The following SAMTOR variants were observed in gnomAD, a reference collection of about 807,000 sequenced individuals.
SAMTOR encodes the protein S-adenosylmethionine sensor upstream of mTORC1.
chr7:112,877,166 A>C, the SAMTOR span, among the ~76,000 whole-genome samples: 1 of 152,208 alleles, frequency 6.6e-6, no homozygotes, highest in Non-Finnish European at 1.5e-5. Context: ...GCTGAACTTA[A>C]CAAGTATTTA....
At chr7:112,907,508 C>G in the SAMTOR span, among the ~76,000 whole-genome samples, 18 of 151,632 alleles carry the variant, frequency 1.2e-4, no homozygotes, top group Non-Finnish European at 2.7e-4. Context: ...TCTAACTACA[C>G]AAAAGCAAAA....
the SAMTOR span, among the ~76,000 whole-genome samples, chr7:112,850,069 G>A: frequency 1.3e-5 from 2 of 152,128 alleles, no homozygotes; most frequent in Non-Finnish European, 2.9e-5. Flanking sequence ...AGCCGGGTGT[G>A]GTGGTGCATG....
the SAMTOR span, among the ~76,000 whole-genome samples, chr7:112,887,645 T>A: frequency 6.6e-6 from 1 of 152,250 alleles, no homozygotes; most frequent in African/African-American, 2.4e-5. Context: ...TTCCATATTA[T>A]CTATATCTCC....
chr7:112,835,150 AG>A, the SAMTOR span, among the ~76,000 whole-genome samples: 1 of 152,108 alleles, frequency 6.6e-6, no homozygotes, highest in Non-Finnish European at 1.5e-5. Context: ...TCTGTGAAGA[AG>A]GGGTGGCTAC....
the SAMTOR span, among the ~76,000 whole-genome samples, chr7:112,932,238 T>C: frequency 7.9e-5 from 12 of 152,192 alleles, no homozygotes; most frequent in South Asian, 6.2e-4. Flanking sequence ...TATTACCATT[T>C]TTATTACCAA....
At chr7:112,915,283 C>A in the SAMTOR span, 11 of 1,580,062 alleles carry the variant, frequency 7.0e-6, no homozygotes, top group Non-Finnish European at 9.4e-6. Flanking sequence ...AAACCAAAAA[C>A]GTTAATTCAT....
At chr7:112,920,183 T>C in the SAMTOR span, among the ~76,000 whole-genome samples, 1 of 152,196 alleles carries the variant, frequency 6.6e-6, no homozygotes, top group African/African-American at 2.4e-5. Context: ...TGATGAACAT[T>C]GATGCAAAAA....
At chr7:112,927,606 G>A in the SAMTOR span, among the ~76,000 whole-genome samples, 1 of 152,028 alleles carries the variant, frequency 6.6e-6, no homozygotes, top group Non-Finnish European at 1.5e-5. Flanking sequence ...GAGAAAGAGA[G>A]AGAGAAAGAG....
the SAMTOR span, among the ~76,000 whole-genome samples, chr7:112,840,972 T>C: frequency 1.3e-5 from 2 of 152,094 alleles, no homozygotes; most frequent in South Asian, 2.1e-4. Flanking sequence ...CCACAGCCAA[T>C]ATCATACTGA....
At chr7:112,902,903 G>T in the SAMTOR span, among the ~76,000 whole-genome samples, 1 of 152,158 alleles carries the variant, frequency 6.6e-6, no homozygotes, top group Non-Finnish European at 1.5e-5. Context: ...AACTGAGAGG[G>T]ACACAACATC....
chr7:112,939,503 T>C, the SAMTOR span: 1 of 1,592,674 alleles, frequency 6.3e-7, no homozygotes, highest in Non-Finnish European at 8.5e-7. Context: ...TACATTTTAA[T>C]GGTGGCCTCT....
chr7:112,847,008 T>G, the SAMTOR span, among the ~76,000 whole-genome samples: 1 of 152,236 alleles, frequency 6.6e-6, no homozygotes, highest in African/African-American at 2.4e-5. Context: ...TTACTCTTGG[T>G]AAGTTCTTAC....
chr7:112,918,688 G>C, the SAMTOR span, among the ~76,000 whole-genome samples: 1 of 152,182 alleles, frequency 6.6e-6, no homozygotes, highest in African/African-American at 2.4e-5. Context: ...TCAGTGTGCT[G>C]TATTCAGGAA....
At chr7:112,939,685 C>T in the SAMTOR span, 2 of 1,612,720 alleles carry the variant, frequency 1.2e-6, no homozygotes, top group East Asian at 2.2e-5. Flanking sequence ...CCCGGGGCGG[C>T]GGAGTGTTCG....
chr7:112,879,449 T>C, the SAMTOR span, among the ~76,000 whole-genome samples: 1 of 151,992 alleles, frequency 6.6e-6, no homozygotes, highest in South Asian at 2.1e-4. Flanking sequence ...AGAATTAAGA[T>C]GAGGATTTTT....
chr7:112,823,420 C>A, the SAMTOR span, among the ~76,000 whole-genome samples: 1 of 152,184 alleles, frequency 6.6e-6, no homozygotes, highest in Non-Finnish European at 1.5e-5. Context: ...TGCCAGCAGG[C>A]AACCATTGAA....
the SAMTOR span, among the ~76,000 whole-genome samples, chr7:112,930,159 C>A: frequency 3.3e-5 from 5 of 152,206 alleles, no homozygotes; most frequent in South Asian, 1.0e-3. Flanking sequence ...TTCTCTAACA[C>A]AAGGTAAGTA....
At chr7:112,824,150 G>A in the SAMTOR span, among the ~76,000 whole-genome samples, 3 of 152,014 alleles carry the variant, frequency 2.0e-5, no homozygotes, top group African/African-American at 7.2e-5. Context: ...TTTTAACAGT[G>A]TCCTTTGAAG....
At chr7:112,904,204 G>A in the SAMTOR span, among the ~76,000 whole-genome samples, 1 of 152,078 alleles carries the variant, frequency 6.6e-6, no homozygotes, top group Non-Finnish European at 1.5e-5. Context: ...TTACCTTATT[G>A]CTAGAAGATG....
Sources: allele counts gnomAD v4.1 joint callset (sites outside exome capture counted in the v4.1 genomes callset), GRCh38; gene constraint gnomAD v4.1.1; transcripts MANE v1.5; gene names NCBI Gene and HGNC (gene_info 2026-07-23, HGNC 2026-07-21).